The following DRC7 variants were observed in gnomAD, a reference collection of about 807,000 sequenced individuals.
The protein encoded by DRC7 is coiled-coil domain containing 135.
A neutral mutation model predicts 104.4 loss-of-function variants in DRC7; 80 were observed. That is an observed-to-expected ratio of 0.77 (90% CI 0.64 to 0.92). DRC7 has a LOEUF of 0.92. Ranked by LOEUF, DRC7 falls within the 40% of genes least tolerant of loss-of-function variation. DRC7 has a pLI of 0.00. For missense variants in DRC7, 1,034 were observed against 1,141.1 expected (o/e 0.91, Z 1.35); for synonymous variants, 405 against 447.3 (o/e 0.91, Z 1.19).
In DRC7 at chr16:57,702,220, C is replaced by A. The variant is rs1256639051; in HGVS notation, c.699+90C>A. On this transcript the variant is annotated intron_variant, in intron 6 of 18. Transcript: ENST00000360716. ...TCCTTAGAGACGTCCATCACTGCCG[C>A]CTCATCCCCAGCCCTGGCCACGCGG... 13 of 1,390,534 alleles carry A rather than the reference C, an allele frequency of 9.3e-6. No homozygotes were observed. In the African/African-American group the frequency reaches 1.8e-4, roughly 20 times the overall value. The allele number at this position is 1,390,534 out of a possible 1,614,324, so 86.1% of individuals were successfully genotyped here.
chr16:57,714,619 GTC>G (rs1171630022), intron 8 of DRC7: 125 of 171,400 alleles, frequency 7.3e-4, no homozygotes, highest in South Asian at 2.2e-3. Context: ...GAGAGAGAGA[GTC>G]TCTCTCTCTC....
At chr16:57,730,278 T>G (rs1597817323) in intron 17 of DRC7, among the ~76,000 whole-genome samples, 1 of 106,494 alleles carries the variant, frequency 9.4e-6, no homozygotes, top group African/African-American at 3.7e-5. Context: ...GGTGGATGGA[T>G]GAGTGGGTGG....
intron 12 of DRC7, among the ~76,000 whole-genome samples, chr16:57,723,503 T>C (rs2048929390): frequency 6.6e-6 from 1 of 152,056 alleles, no homozygotes; most frequent in Non-Finnish European, 1.5e-5. Flanking sequence ...GAGGCCAACA[T>C]GGGCAGTTGA....
chr16:57,701,845 C>T, intron 5 of DRC7, 91 bp from the exon 6 acceptor site: 1 of 1,183,642 alleles, frequency 8.4e-7, no homozygotes, highest in East Asian at 2.4e-5. Context: ...GTCCTGGCTC[C>T]CCACCCTGAC....
intron 1 of DRC7, among the ~76,000 whole-genome samples, 183 bp downstream of exon 1, chr16:57,695,035 G>A (rs1387187267): frequency 6.6e-6 from 1 of 152,080 alleles, no homozygotes; most frequent in African/African-American, 2.4e-5. Context: ...AGGGGGTGCA[G>A]GGAAGGGCCG....
rs1441778167 is a variant in DRC7, at chr16:57,707,518, T to C, written c.917T>C (p.Leu306Pro). 2.5e-6 allele frequency: 4 copies of C among 1,613,390 alleles called. No individual in the cohort carries two copies. The change falls in exon 8 of 19, where the codon CTT becomes CCT. Residue 306 changes from leucine to proline, a missense_variant. Coordinates refer to ENST00000360716, the MANE Select transcript of DRC7 (RefSeq NM_001289162.2). ...GGCCTGCGGGTGCACTCCTGGGTCC[T>C]TGTGCTATCGGGGAAGCGCGAGGTG... ...LHGLRVHSWV[L>P]VLSGKREVPE...
At chr16:57,729,308 G>A (rs1362777212) in intron 17 of DRC7, among the ~76,000 whole-genome samples, 1 of 143,898 alleles carries the variant, frequency 6.9e-6, no homozygotes, top group Non-Finnish European at 1.5e-5. Flanking sequence ...GTGAGTGGGT[G>A]GATGGATGGA....
intron 17 of DRC7, among the ~76,000 whole-genome samples, chr16:57,729,229 G>A (rs1377467221): frequency 1.4e-5 from 2 of 147,592 alleles, no homozygotes; most frequent in Non-Finnish European, 3.0e-5. Context: ...TGAGTGGGTG[G>A]GTGGGTGGAT....
In DRC7 at chr16:57,707,919, T is replaced by C. The variant is rs116829700; in HGVS notation, c.1077+241T>C. 1,378 of 564,842 alleles carry C rather than the reference T, an allele frequency of 2.4e-3. 16 individuals are homozygous for C. The highest frequency in any genetic ancestry group is 0.023 in the African/African-American group (1,201 of 53,344). The allele number at this position is 564,842 out of a possible 1,614,324, so 35.0% of individuals were successfully genotyped here. The stretch of plus-strand genomic sequence containing the variant: ...AAGTGTGGATTGTTTGAATGCATTT[T>C]TTAAAAACTCTATATTGAAGTGTAA... On this transcript the variant is annotated intron_variant, in intron 8 of 18. Transcript: ENST00000360716.
intron 4 of DRC7, among the ~76,000 whole-genome samples, chr16:57,699,338 G>A (rs1038339582): frequency 6.6e-6 from 1 of 152,244 alleles, no homozygotes; most frequent in Admixed American, 6.5e-5. Flanking sequence ...TTGTGTGGGA[G>A]TCTCTGGTTT....
intron 8 of DRC7, among the ~76,000 whole-genome samples, chr16:57,717,157 C>CAA (rs1225558457): frequency 9.1e-6 from 1 of 110,256 alleles, no homozygotes; most frequent in Non-Finnish European, 1.9e-5. Context: ...GACCCTGTCT[C>CAA]AAAAAAAAAA....
At chr16:57,705,949 CCCATCCATCCTT>C (rs1282598664) in intron 7 of DRC7, among the ~76,000 whole-genome samples, 1 of 143,978 alleles carries the variant, frequency 6.9e-6, no homozygotes, top group African/African-American at 2.6e-5. Context: ...CATCCATCCT[CCCATCCATCCTT>C]CCATCCATCC....
intron 2 of DRC7, among the ~76,000 whole-genome samples, chr16:57,696,917 TTTA>T (rs1421588903): frequency 6.6e-6 from 1 of 152,150 alleles, no homozygotes; most frequent in African/African-American, 2.4e-5. Context: ...AATCTATTTA[TTTA>T]TTATTTATTT....
Position 57,697,998 on chromosome 16 carries a change from G to A in DRC7, c.49G>A (p.Glu17Lys), listed in dbSNP as rs2048615071. The change falls in exon 3 of 19, where the codon GAG (glutamate) becomes AAG (lysine). Residue 17 changes from glutamate (E) to lysine (K), a missense_variant. Glu to Lys is a moderately conservative substitution (Grantham distance 56). Coordinates refer to ENST00000360716, the MANE Select transcript of DRC7 (RefSeq NM_001289162.2). ...GGAGGAGGAGGAGGAGGCCGAGCGG[G>A]AGGAGGCGGCCGAGTGGGCTGAATG... ...KVEEEEEAER[E>K]EAAEWAEWAR... 5 of 1,613,686 alleles carry A rather than the reference G, an allele frequency of 3.1e-6. No homozygotes were observed. The East Asian group carries it at 1.1e-4, about 36-fold the overall frequency.
intron 7 of DRC7, among the ~76,000 whole-genome samples, chr16:57,706,138 A>T (rs1325608374): frequency 2.4e-5 from 3 of 124,126 alleles, no homozygotes; most frequent in African/African-American, 9.6e-5. Flanking sequence ...CCATTCTCCC[A>T]TCTTCCCATC....
chr16:57,730,637 A>G (rs893273001), intron 17 of DRC7, among the ~76,000 whole-genome samples: 1 of 152,034 alleles, frequency 6.6e-6, no homozygotes, highest in African/African-American at 2.4e-5. Context: ...GTAGACAAGA[A>G]ATTGCAGGTT....
chr16:57,720,240 C>CA (rs1293094178), intron 9 of DRC7, among the ~76,000 whole-genome samples: 11 of 152,222 alleles, frequency 7.2e-5, no homozygotes, highest in Admixed American at 2.0e-4. Flanking sequence ...TGGTAAGTGA[C>CA]AGAGCTGGGA....
At position 57,702,241 on chromosome 16, in the gene DRC7, C is replaced by T. The variant is rs144946509; in HGVS notation, c.699+111C>T. On this transcript the variant is annotated intron_variant, in intron 6 of 18. Coordinates refer to ENST00000360716, the MANE Select transcript of DRC7 (RefSeq NM_001289162.2). ...GCCGCCTCATCCCCAGCCCTGGCCA[C>T]GCGGACACAGATCCCTCACCACCAG... 895 of 1,090,240 alleles carry T rather than the reference C, an allele frequency of 8.2e-4. 5 individuals are homozygous for T. The African/African-American group carries it at 0.012, about 15-fold the overall frequency. The allele number at this position is 1,090,240 out of a possible 1,614,324, so 67.5% of individuals were successfully genotyped here.
intron 16 of DRC7, among the ~76,000 whole-genome samples, 181 bp downstream of exon 16, chr16:57,727,590 G>C (rs1375111717): frequency 1.3e-5 from 2 of 152,174 alleles, no homozygotes; most frequent in Non-Finnish European, 2.9e-5. Context: ...AGAGTACTTG[G>C]GATTTGGGCA....
Sources: allele counts gnomAD v4.1 joint callset (sites outside exome capture counted in the v4.1 genomes callset), GRCh38; gene constraint gnomAD v4.1.1; transcripts MANE v1.5; gene names NCBI Gene and HGNC (gene_info 2026-07-23, HGNC 2026-07-21).